The following SENP7 variants were observed in gnomAD, a reference collection of about 807,000 sequenced individuals.
SENP7 encodes the protein SUMO specific peptidase 7.
In SENP7, 64 loss-of-function variants were observed where a neutral mutation model predicts 141.2. The ratio of observed to expected loss-of-function variants is 0.45; its 90% CI spans 0.37 to 0.56. SENP7 has a LOEUF of 0.56. SENP7 is among the 20% of genes least tolerant of loss of function. The probability of loss-of-function intolerance (pLI) is 0.00; values close to 1 mark genes in which losing one functional copy is unlikely to be tolerated. For synonymous variants in SENP7, 382 were observed against 426.4 expected, an observed-to-expected ratio of 0.90 and a Z score of 1.28; for missense variants, 1,025 against 1,212.2, an observed-to-expected ratio of 0.85 and a Z score of 2.29.
chr3:101,492,459 C>G (rs944227542), intron 3 of SENP7, among the ~76,000 whole-genome samples: 1 of 152,052 alleles, frequency 6.6e-6, no homozygotes, highest in African/African-American at 2.4e-5. Context: ...ACACGTTATC[C>G]TAAAATAAAT....
chr3:101,508,571 C>A (rs946985480), intron 1 of SENP7, among the ~76,000 whole-genome samples: 10 of 151,596 alleles, frequency 6.6e-5, no homozygotes, highest in Non-Finnish European at 1.3e-4. Flanking sequence ...TGCACTCCAG[C>A]CTGGGGGGCA....
rs1576008855 is a variant in SENP7, at chr3:101,341,786, G to GA, written c.2107-8dup. 6.3e-7 allele frequency: 1 copy of GA among 1,577,584 alleles called. No homozygotes were observed. Among genetic ancestry groups the GA allele is most frequent in the East Asian group, 2.3e-5 (1 of 44,232 alleles). ...CCGCATCTGTGTTTGAGGGCTGACA[G>GA]AAAGTGGCAAGAAAAAGGGTCTCAA... On this transcript the variant is annotated splice_polypyrimidine_tract_variant and splice_region_variant and intron_variant, in intron 14 of 23. Coordinates refer to ENST00000394095, the MANE Select transcript of SENP7 (RefSeq NM_020654.5).
At chr3:101,479,964 T>G (rs1362052639) in intron 3 of SENP7, among the ~76,000 whole-genome samples, 4 of 70,286 alleles carry the variant, frequency 5.7e-5, no homozygotes, top group East Asian at 4.4e-4. Flanking sequence ...AGGAATAAAT[T>G]TAACCAAAGA....
chr3:101,387,823 A>G (rs1470251037), intron 6 of SENP7, among the ~76,000 whole-genome samples: 2 of 152,218 alleles, frequency 1.3e-5, no homozygotes, highest in African/African-American at 4.8e-5. Context: ...CATCTTACCC[A>G]CTGCCATCAC....
At chr3:101,512,945 G>C (rs2065922921) in intron 1 of SENP7, 146 bp downstream of exon 1, 1 of 869,298 alleles carries the variant, frequency 1.2e-6, no homozygotes, top group South Asian at 1.4e-5. Context: ...GGCGACCCGG[G>C]AGCCTTCCAT....
intron 4 of SENP7, among the ~76,000 whole-genome samples, chr3:101,430,969 G>A (rs1345532812): frequency 6.6e-6 from 1 of 152,202 alleles, no homozygotes; most frequent in Admixed American, 6.5e-5. Context: ...AGGTTGCTCA[G>A]TTTCCATGTA....
intron 4 of SENP7, among the ~76,000 whole-genome samples, chr3:101,448,191 G>T (rs2062968312): frequency 6.6e-6 from 1 of 152,148 alleles, no homozygotes. Context: ...TTAGGCAGTG[G>T]TTTCTTAGAT....
At chr3:101,369,102 T>C (rs182640981) in intron 7 of SENP7, among the ~76,000 whole-genome samples, 14 of 152,230 alleles carry the variant, frequency 9.2e-5, no homozygotes. Flanking sequence ...ATGCCAATCA[T>C]TACTAAAAAT....
At chr3:101,448,546 G>A (rs942746966) in intron 4 of SENP7, among the ~76,000 whole-genome samples, 1 of 146,984 alleles carries the variant, frequency 6.8e-6, no homozygotes, top group African/African-American at 2.6e-5. Context: ...AGATGTTGCT[G>A]CCTGATCATT....
intron 3 of SENP7, among the ~76,000 whole-genome samples, chr3:101,489,304 C>T (rs1343240582): frequency 6.6e-6 from 1 of 152,170 alleles, no homozygotes. Context: ...CAAAATCTCA[C>T]ATATCAATAC....
At chr3:101,446,924 TAAAC>T (rs2062919316) in intron 4 of SENP7, among the ~76,000 whole-genome samples, 1 of 150,942 alleles carries the variant, frequency 6.6e-6, no homozygotes, top group South Asian at 2.1e-4. Flanking sequence ...AGAGTAGAAA[TAAAC>T]AAAATGAAGA....
chr3:101,380,333 T>C (rs2060460656), intron 6 of SENP7, among the ~76,000 whole-genome samples: 1 of 151,888 alleles, frequency 6.6e-6, no homozygotes, highest in South Asian at 2.1e-4. Context: ...AGATACTAAT[T>C]AACTTTGGAC....
rs142719554 is a variant in SENP7 at position 101,431,601 on chromosome 3, T to C, written c.285-13811A>G. Among the ~76,000 whole-genome samples, 1,406 of 144,382 alleles carry C rather than the reference T, an allele frequency of 9.7e-3. 21 individuals carry two copies. The highest frequency in any genetic ancestry group is 0.034 in the African/African-American group (1,332 of 38,988). The allele number at this position is 144,382 out of a possible 152,430, so 94.7% of individuals were successfully genotyped here. A position where few individuals can be genotyped will look rare whatever the true frequency, so the allele number is the denominator to read the frequency against. On this transcript the variant is annotated intron_variant, in intron 4 of 23. Transcript: ENST00000394095. Reference sequence around the variant, plus strand: ...GAGATCGAGACCATCCTGGCCAACATGGTGAAACCCTGTCTCGACTAAAAA... The same window carrying C: ...GAGATCGAGACCATCCTGGCCAACACGGTGAAACCCTGTCTCGACTAAAAA...
intron 4 of SENP7, among the ~76,000 whole-genome samples, chr3:101,436,072 A>C (rs2062376187): frequency 6.6e-6 from 1 of 152,184 alleles, no homozygotes; most frequent in South Asian, 2.1e-4. Context: ...GCATAAAAAC[A>C]AACACATAGA....
intron 6 of SENP7, among the ~76,000 whole-genome samples, chr3:101,380,078 A>C (rs1194817997): frequency 6.6e-6 from 1 of 152,196 alleles, no homozygotes; most frequent in South Asian, 2.1e-4. Flanking sequence ...AGCAAAGGAC[A>C]AATACTGTGA....
intron 6 of SENP7, among the ~76,000 whole-genome samples, chr3:101,383,906 C>T (rs62280673): frequency 0.13 from 19,525 of 152,264 alleles, 1,312 homozygotes; most frequent in South Asian, 0.18. Context: ...GTCTGGGGCC[C>T]AGGCTCCCAG....
intron 4 of SENP7, chr3:101,457,540 T>C (rs2063394162): frequency 6.2e-7 from 1 of 1,605,030 alleles, no homozygotes; most frequent in Admixed American, 1.7e-5. Flanking sequence ...TTTGTAAACA[T>C]ATGCACCTCT....
chr3:101,457,706 C>T, intron 4 of SENP7: 1 of 1,080,224 alleles, frequency 9.3e-7, no homozygotes, highest in Non-Finnish European at 1.4e-6. Context: ...CAAGTTTTTC[C>T]TGATTCATGA....
intron 4 of SENP7, among the ~76,000 whole-genome samples, chr3:101,441,228 G>T (rs2062658591): frequency 1.3e-5 from 2 of 152,114 alleles, no homozygotes; most frequent in South Asian, 4.1e-4. Flanking sequence ...TACTGGCCAG[G>T]CCCACTCATT....
Sources: gnomAD v4.1 joint callset for allele counts (sites outside exome capture counted in the v4.1 genomes callset) on GRCh38, gnomAD v4.1.1 for gene constraint, MANE v1.5 for transcripts, NCBI Gene and HGNC (gene_info 2026-07-23, HGNC 2026-07-21) for gene names.